Variants in ARL15 observed in about 807,000 individuals in gnomAD.
ARL15 encodes the protein ARF like GTPase 15.
A neutral mutation model predicts 25.2 loss-of-function variants in ARL15; 19 were observed. The observed-to-expected ratio is 0.75, with a 90% CI of 0.53 to 1.10. The LOEUF (loss-of-function observed/expected upper bound fraction) is 1.10. ARL15 is among the 50% of genes least tolerant of loss of function. ARL15 has a pLI of 0.00. For missense variants in ARL15, 220 were observed against 246.0 expected (o/e 0.89, Z 0.71); for synonymous variants, 94 against 86.8 (o/e 1.08, Z -0.46).
At chr5:54,036,994 A>G (rs1435539078) in intron 4 of ARL15, among the ~76,000 whole-genome samples, 1 of 152,112 alleles carries the variant, frequency 6.6e-6, no homozygotes, top group Non-Finnish European at 1.5e-5. Flanking sequence ...CTTGGTTTAT[A>G]TCTTTTATAA....
intron 1 of ARL15, among the ~76,000 whole-genome samples, chr5:54,221,857 AC>A: frequency 1.3e-5 from 2 of 149,022 alleles, no homozygotes; most frequent in Admixed American, 6.6e-5. Flanking sequence ...ACACACACAC[AC>A]ACACACACAC....
chr5:54,103,196 C>T (rs1402973875), intron 4 of ARL15, among the ~76,000 whole-genome samples: 1 of 151,766 alleles, frequency 6.6e-6, no homozygotes, highest in Non-Finnish European at 1.5e-5. Flanking sequence ...TATATGTGTA[C>T]CAATTTAGAT....
intron 1 of ARL15, among the ~76,000 whole-genome samples, chr5:54,231,696 C>A (rs1330454361): frequency 6.6e-6 from 1 of 152,182 alleles, no homozygotes; most frequent in East Asian, 1.9e-4. Context: ...GGTTCAGTTT[C>A]TGATGAGGGC....
intron 4 of ARL15, among the ~76,000 whole-genome samples, chr5:53,984,955 T>C (rs189263789): frequency 5.9e-4 from 90 of 152,314 alleles, no homozygotes; most frequent in African/African-American, 2.0e-3. Flanking sequence ...ATATGTAAAA[T>C]CCAGCTTCAT....
chr5:54,243,674 G>A (rs1342096094), intron 1 of ARL15, among the ~76,000 whole-genome samples: 2 of 152,136 alleles, frequency 1.3e-5, no homozygotes, highest in Non-Finnish European at 1.5e-5. Context: ...CCAACCAAAG[G>A]GGGCAGCAGT....
chr5:54,007,024 G>C (rs907667914), intron 4 of ARL15, among the ~76,000 whole-genome samples: 9 of 152,118 alleles, frequency 5.9e-5, no homozygotes, highest in African/African-American at 2.2e-4. Context: ...CCAGGAGACG[G>C]AGGTTGCAAA....
intron 1 of ARL15, among the ~76,000 whole-genome samples, chr5:54,279,209 TTTTTG>T: frequency 1.1e-5 from 1 of 93,964 alleles, no homozygotes; most frequent in Non-Finnish European, 2.0e-5. Context: ...TAAGAGTTTG[TTTTTG>T]TTTTTTTTTT....
At chr5:54,197,216 T>C (rs1213580212) in intron 1 of ARL15, among the ~76,000 whole-genome samples, 1 of 152,104 alleles carries the variant, frequency 6.6e-6, no homozygotes, top group South Asian at 2.1e-4. Flanking sequence ...AAGAACACAA[T>C]GTTATCTGGC....
At chr5:54,297,073 G>A (rs1758482301) in intron 1 of ARL15, among the ~76,000 whole-genome samples, 1 of 152,190 alleles carries the variant, frequency 6.6e-6, no homozygotes, top group Non-Finnish European at 1.5e-5. Flanking sequence ...CAGGTTTATT[G>A]TGCTACAGAG....
At chr5:53,925,836 A>T (rs1277106066) in intron 4 of ARL15, among the ~76,000 whole-genome samples, 1 of 152,042 alleles carries the variant, frequency 6.6e-6, no homozygotes, top group Non-Finnish European at 1.5e-5. Flanking sequence ...TAACAAAAAA[A>T]ACTTTGTTTT....
At chr5:54,149,802 A>G (rs915804440) in intron 3 of ARL15, among the ~76,000 whole-genome samples, 17 of 152,214 alleles carry the variant, frequency 1.1e-4, no homozygotes, top group African/African-American at 4.1e-4. Flanking sequence ...AGAAAAATAA[A>G]ATAATCTAGA....
At chr5:54,027,346 G>A (rs1749813293) in intron 4 of ARL15, among the ~76,000 whole-genome samples, 1 of 152,190 alleles carries the variant, frequency 6.6e-6, no homozygotes, top group Non-Finnish European at 1.5e-5. Flanking sequence ...CAGTCGGAAG[G>A]CAATTGTGAA....
chr5:54,181,698 T>A (rs978036718), intron 1 of ARL15, among the ~76,000 whole-genome samples: 4 of 152,004 alleles, frequency 2.6e-5, no homozygotes, highest in African/African-American at 9.7e-5. Flanking sequence ...CTTTAGGAGG[T>A]CAACGGAGGA....
At chr5:54,210,539 C>T (rs1242765206) in intron 1 of ARL15, among the ~76,000 whole-genome samples, 1 of 152,162 alleles carries the variant, frequency 6.6e-6, no homozygotes, top group East Asian at 1.9e-4. Context: ...CCCAAATTCA[C>T]CCATAACATT....
At chr5:54,254,773 G>T (rs1039924585) in intron 1 of ARL15, among the ~76,000 whole-genome samples, 6 of 152,248 alleles carry the variant, frequency 3.9e-5, no homozygotes, top group African/African-American at 1.4e-4. Flanking sequence ...ATCAACAGGG[G>T]AGAGGGGCAG....
At chr5:54,042,401 A>T (rs1054262006) in intron 4 of ARL15, among the ~76,000 whole-genome samples, 1 of 152,250 alleles carries the variant, frequency 6.6e-6, no homozygotes, top group Non-Finnish European at 1.5e-5. Flanking sequence ...TATCATTATC[A>T]GAGGGGTACC....
At chr5:53,921,787 A>G (rs1201773248) in intron 4 of ARL15, among the ~76,000 whole-genome samples, 1 of 152,166 alleles carries the variant, frequency 6.6e-6, no homozygotes, top group African/African-American at 2.4e-5. Flanking sequence ...AAAACAAAAC[A>G]AAAAATCATT....
At chr5:54,246,797 T>TATAC (rs1477935525) in intron 1 of ARL15, among the ~76,000 whole-genome samples, 7 of 139,062 alleles carry the variant, frequency 5.0e-5, no homozygotes, top group African/African-American at 1.9e-4. Flanking sequence ...AAAGCATGCA[T>TATAC]ACACACACAC....
intron 2 of ARL15, among the ~76,000 whole-genome samples, chr5:54,160,254 A>T (rs906545785): frequency 6.6e-6 from 1 of 152,202 alleles, no homozygotes; most frequent in Non-Finnish European, 1.5e-5. Context: ...AGATATCAAA[A>T]TCTGACTTTC....
Sources: allele counts gnomAD v4.1 joint callset (sites outside exome capture counted in the v4.1 genomes callset), GRCh38; gene constraint gnomAD v4.1.1; transcripts MANE v1.5; gene names NCBI Gene and HGNC (gene_info 2026-07-23, HGNC 2026-07-21).